The following ADD1 variants were observed in gnomAD, a reference collection of about 807,000 sequenced individuals.
ADD1 encodes adducin 1.
In ADD1, 24 loss-of-function variants were observed where a neutral mutation model predicts 80.5. That is an observed-to-expected ratio of 0.30 (90% CI 0.22 to 0.42). The LOEUF (loss-of-function observed/expected upper bound fraction) is 0.42. ADD1 is among the 10% of genes least tolerant of loss of function. The probability of loss-of-function intolerance (pLI) is 1.00; values close to 1 mark genes in which losing one functional copy is unlikely to be tolerated. For missense variants in ADD1, 948 were observed against 1,019.0 expected, an observed-to-expected ratio of 0.93 and a Z score of 0.95; for synonymous variants, 373 against 393.8, an observed-to-expected ratio of 0.95 and a Z score of 0.63.
chr4:2,921,722 A>C (rs1172449235), intron 14 of ADD1, among the ~76,000 whole-genome samples: 1 of 152,132 alleles, frequency 6.6e-6, no homozygotes, highest in African/African-American at 2.4e-5. Context: ...TAATATCCTG[A>C]AGAGTGTTTT....
At chr4:2,903,856 T>A (rs913999174) in intron 9 of ADD1, among the ~76,000 whole-genome samples, 4 of 152,072 alleles carry the variant, frequency 2.6e-5, no homozygotes, top group African/African-American at 9.7e-5. Flanking sequence ...TGCAGATGAG[T>A]TGGTCCAGTA....
intron 9 of ADD1, chr4:2,902,465 A>G (rs57174035): frequency 0.02 from 3,077 of 152,364 alleles, 66 homozygotes; most frequent in African/African-American, 0.047. Flanking sequence ...TAGGCCGGTC[A>G]CGATGGCTGA....
At chr4:2,905,129 T>A in intron 10 of ADD1, 21 bp downstream of exon 10, 1 of 1,610,198 alleles carries the variant, frequency 6.2e-7, no homozygotes, top group East Asian at 2.2e-5. Flanking sequence ...ACCTTACTGT[T>A]CATAGTTAGA....
At chr4:2,898,032 C>A in intron 6 of ADD1, 152 bp from the exon 7 acceptor site, 1 of 1,049,098 alleles carries the variant, frequency 9.5e-7, no homozygotes, top group Non-Finnish European at 1.4e-6. Context: ...CACTGGAAAC[C>A]AAGTTTGTCT....
chr4:2,848,306 T>C (rs1726557651), intron 1 of ADD1, among the ~76,000 whole-genome samples: 1 of 152,200 alleles, frequency 6.6e-6, no homozygotes, highest in African/African-American at 2.4e-5. Context: ...CTTTCTACAT[T>C]GAGGAACCTT....
chr4:2,865,304 A>G (rs1309588019), intron 1 of ADD1, among the ~76,000 whole-genome samples: 2 of 152,234 alleles, frequency 1.3e-5, no homozygotes, highest in Admixed American at 6.5e-5. Flanking sequence ...TTAATTTTCA[A>G]TGAACATACC....
chr4:2,877,624 G>T (rs1009366172), intron 2 of ADD1, among the ~76,000 whole-genome samples: 14 of 152,034 alleles, frequency 9.2e-5, no homozygotes, highest in African/African-American at 3.4e-4. Context: ...CTGTTCTCAG[G>T]AGGGAAGGTT....
intron 10 of ADD1, 110 bp from the exon 11 acceptor site, chr4:2,907,633 C>G (rs34237774): frequency 1.1e-6 from 1 of 938,554 alleles, no homozygotes; most frequent in Non-Finnish European, 1.7e-6. Context: ...GTTCAGTCCT[C>G]TCTGTGATGT....
intron 14 of ADD1, among the ~76,000 whole-genome samples, chr4:2,916,601 G>C (rs1739120592): frequency 2.0e-5 from 3 of 152,022 alleles, no homozygotes; most frequent in African/African-American, 7.3e-5. Context: ...TGTTACATAG[G>C]TATACACGTG....
chr4:2,906,864 T>C (rs1737150210), intron 10 of ADD1, among the ~76,000 whole-genome samples: 1 of 152,190 alleles, frequency 6.6e-6, no homozygotes, highest in Non-Finnish European at 1.5e-5. Context: ...TAAAGTCGTA[T>C]GGTTTATGGC....
At chr4:2,916,910 C>G (rs1232819360) in intron 14 of ADD1, among the ~76,000 whole-genome samples, 2 of 152,130 alleles carry the variant, frequency 1.3e-5, no homozygotes, top group African/African-American at 4.8e-5. Context: ...GTATATGTGC[C>G]ACATTTTCTT....
At chr4:2,875,082 C>G (rs753932058) in intron 1 of ADD1, among the ~76,000 whole-genome samples, 3 of 152,088 alleles carry the variant, frequency 2.0e-5, no homozygotes, top group Non-Finnish European at 4.4e-5. Context: ...TTAAAAAATT[C>G]GCCGGGCATG....
chr4:2,871,115 C>T (rs759457213), intron 1 of ADD1, among the ~76,000 whole-genome samples: 14 of 151,928 alleles, frequency 9.2e-5, no homozygotes, highest in East Asian at 3.9e-4. Context: ...ACTACAGGTG[C>T]GCGCCACCAC....
intron 1 of ADD1, among the ~76,000 whole-genome samples, chr4:2,850,353 C>T (rs569011452): frequency 1.8e-4 from 27 of 151,296 alleles, no homozygotes; most frequent in African/African-American, 5.8e-4. Context: ...CTGCAACCTC[C>T]ACCTCCCAAG....
rs1384776098 is a variant in ADD1, at chr4:2,899,087, G to A, written c.985-172G>A. The A allele has an allele frequency of 1.1e-5, 8 of 705,180 alleles. No homozygotes were observed. In the South Asian group the frequency reaches 1.7e-4, roughly 15 times the overall value. 43.7% of individuals were successfully genotyped at this position (705,180 alleles called of 1,614,324 possible). Reference sequence around the variant, plus strand: ...TGCCCAATATTTTTGTCATGCTAAAGAAATACTTCTGAAAGTAACTTTGTG... The same window carrying A: ...TGCCCAATATTTTTGTCATGCTAAAAAAATACTTCTGAAAGTAACTTTGTG... On this transcript the variant is annotated intron_variant, in intron 8 of 15. Transcript: ENST00000683351.
intron 4 of ADD1, among the ~76,000 whole-genome samples, chr4:2,887,219 A>G (rs1733526409): frequency 6.6e-6 from 1 of 152,202 alleles, no homozygotes. Flanking sequence ...TTGTTTTACT[A>G]TTATGGCATC....
chr4:2,899,256 A>T lies in ADD1; in HGVS notation c.985-3A>T, dbSNP rs1735769880. 1 of 1,602,584 alleles carries T rather than the reference A, an allele frequency of 6.2e-7. No homozygotes were observed. Among genetic ancestry groups the T allele is most frequent in the Non-Finnish European group, 8.5e-7 (1 of 1,171,802 alleles). On this transcript the variant is annotated splice_region_variant and splice_polypyrimidine_tract_variant and intron_variant, in intron 8 of 15. Transcript: ENST00000683351. Reference sequence around the variant, plus strand: ...AAGCCATGCTGTGTGTGTTTTGGAAAAGGTTCGAACTCTGGCCAGTGCAGG... The same window carrying T: ...AAGCCATGCTGTGTGTGTTTTGGAATAGGTTCGAACTCTGGCCAGTGCAGG...
chr4:2,853,894 G>A (rs1020817408), intron 1 of ADD1, among the ~76,000 whole-genome samples: 2 of 152,166 alleles, frequency 1.3e-5, no homozygotes, highest in African/African-American at 2.4e-5. Flanking sequence ...GTGAGCGACC[G>A]CGTCTGGCCG....
rs1392692866 is a variant in ADD1 at position 2,843,895 on chromosome 4, A to AGGGGCGGAGAGGC, written c.-149_-137dup. The AGGGGCGGAGAGGC allele has an allele frequency of 6.6e-6, 1 of 151,102 alleles. No individual in the cohort carries two copies. Among genetic ancestry groups the AGGGGCGGAGAGGC allele is most frequent in the Non-Finnish European group, 1.5e-5 (1 of 67,854 alleles). 9.4% of individuals were successfully genotyped at this position (151,102 alleles called of 1,614,324 possible). A position where few individuals can be genotyped will look rare whatever the true frequency, so the allele number is the denominator to read the frequency against. On this transcript the variant is annotated 5_prime_UTR_variant, in exon 1 of 16. Transcript: ENST00000683351. ...GCGGTGGGGGCGAGCGGAGGGGCTG[A>AGGGGCGGAGAGGC]GGGGCGGAGAGGCCTGGCGGGCCGC...
Sources: gnomAD v4.1 joint callset for allele counts (sites outside exome capture counted in the v4.1 genomes callset) on GRCh38, gnomAD v4.1.1 for gene constraint, MANE v1.5 for transcripts, NCBI Gene and HGNC (gene_info 2026-07-23, HGNC 2026-07-21) for gene names.